Variants in TGFBR3 observed in about 807,000 individuals in gnomAD.
The protein encoded by TGFBR3 is transforming growth factor beta receptor 3.
A neutral mutation model predicts 87.9 loss-of-function variants in TGFBR3; 46 were observed. That is an observed-to-expected ratio of 0.52 (90% CI 0.41 to 0.67). The LOEUF is 0.67. Ranked by LOEUF, TGFBR3 falls within the 30% of genes least tolerant of loss-of-function variation. The pLI, the probability that TGFBR3 is intolerant of heterozygous loss-of-function variation, is 0.00. For synonymous variants in TGFBR3, 381 were observed against 391.6 expected (o/e 0.97, Z 0.32); for missense variants, 866 against 1,041.9 (o/e 0.83, Z 2.32).
intron 2 of TGFBR3, among the ~76,000 whole-genome samples, chr1:91,842,667 A>G (rs1366240323): frequency 6.6e-6 from 1 of 152,130 alleles, no homozygotes; most frequent in Admixed American, 6.5e-5. Flanking sequence ...TGCCCATAAT[A>G]AGGTTGTTCT....
At chr1:91,712,725 C>T (rs1227433304) in intron 12 of TGFBR3, among the ~76,000 whole-genome samples, 183 bp from the exon 13 acceptor site, 4 of 152,168 alleles carry the variant, frequency 2.6e-5, no homozygotes, top group Non-Finnish European at 4.4e-5. Flanking sequence ...AGATATTTTC[C>T]ACTTCAATTT....
chr1:91,836,262 A>C (rs1026946822), intron 2 of TGFBR3, among the ~76,000 whole-genome samples: 1 of 152,108 alleles, frequency 6.6e-6, no homozygotes, highest in African/African-American at 2.4e-5. Flanking sequence ...AAAATAAACA[A>C]ATAAATAAAT....
upstream of TGFBR3, among the ~76,000 whole-genome samples, chr1:91,887,236 C>CTTTTTTTTTTTTTTTTTTTT (rs71087977): frequency 6.0e-4 from 25 of 41,414 alleles, 9 homozygotes; most frequent in Admixed American, 1.3e-3. Flanking sequence ...GGACCTATGC[C>CTTTTTTTTTTTTTTTTTTTT]TTTTTTTTTT....
At chr1:91,796,426 T>C (rs923691013) in intron 3 of TGFBR3, among the ~76,000 whole-genome samples, 1 of 152,224 alleles carries the variant, frequency 6.6e-6, no homozygotes, top group African/African-American at 2.4e-5. Flanking sequence ...TGAGTAACTA[T>C]GAGCATATAT....
chr1:91,801,316 G>T (rs1675622067), intron 2 of TGFBR3, among the ~76,000 whole-genome samples: 1 of 152,110 alleles, frequency 6.6e-6, no homozygotes, highest in Non-Finnish European at 1.5e-5. Flanking sequence ...CAGGAGGCAG[G>T]GTCCTGAAGT....
intron 12 of TGFBR3, among the ~76,000 whole-genome samples, chr1:91,713,288 C>G (rs572774554): frequency 6.6e-6 from 1 of 152,288 alleles, no homozygotes; most frequent in South Asian, 2.1e-4. Context: ...CTTGTATGGG[C>G]TACGTCCAAA....
chr1:91,809,026 A>G (rs1243672942), intron 2 of TGFBR3, among the ~76,000 whole-genome samples: 2 of 152,268 alleles, frequency 1.3e-5, no homozygotes, highest in Non-Finnish European at 1.5e-5. Flanking sequence ...CTTCTTTATT[A>G]AAATGCAAAT....
At position 91,885,946 on chromosome 1, in the gene TGFBR3, C is replaced by T. The variant is rs1679283588; in HGVS notation, c.-182G>A. 6.7e-6 allele frequency: 3 copies of T among 449,554 alleles called. No homozygotes were observed. In the Admixed American group the frequency reaches 7.1e-5, roughly 11 times the overall value. The allele number at this position is 449,554 out of a possible 1,614,324, so 27.8% of individuals were successfully genotyped here. A position where few individuals can be genotyped will look rare whatever the true frequency, so the allele number is the denominator to read the frequency against. On this transcript the variant is annotated 5_prime_UTR_variant, in exon 1 of 17. Coordinates refer to ENST00000212355, the MANE Select transcript of TGFBR3 (RefSeq NM_003243.5). ...GGAGGAAAGCGGCGGCAAGTTTCCC[C>T]GCCCAGCGCTCGGCGGCGGCGAGCT...
At chr1:91,718,208 T>G (rs1672243174) in intron 10 of TGFBR3, among the ~76,000 whole-genome samples, 1 of 152,224 alleles carries the variant, frequency 6.6e-6, no homozygotes, top group African/African-American at 2.4e-5. Flanking sequence ...CAAGTCTTTT[T>G]AACTTCTTGG....
intron 3 of TGFBR3, among the ~76,000 whole-genome samples, chr1:91,779,863 G>C (rs1674700406): frequency 6.6e-6 from 1 of 152,152 alleles, no homozygotes; most frequent in Non-Finnish European, 1.5e-5. Context: ...AATCAGCATT[G>C]CTAGGCCAAA....
At chr1:91,779,491 G>A (rs933208138) in intron 3 of TGFBR3, among the ~76,000 whole-genome samples, 6 of 152,236 alleles carry the variant, frequency 3.9e-5, no homozygotes, top group Non-Finnish European at 5.9e-5. Context: ...ATGGGCCAGA[G>A]GCCCACTGCC....
intron 3 of TGFBR3, among the ~76,000 whole-genome samples, chr1:91,790,178 T>C (rs1428569636): frequency 6.6e-6 from 1 of 152,178 alleles, no homozygotes; most frequent in African/African-American, 2.4e-5. Flanking sequence ...TATACAACGG[T>C]GGTCTCATAA....
chr1:91,685,013 A>G (rs941985318), intron 16 of TGFBR3, among the ~76,000 whole-genome samples: 6 of 152,202 alleles, frequency 3.9e-5, no homozygotes, highest in African/African-American at 1.4e-4. Flanking sequence ...CCTGCCCTCC[A>G]GTGCAGGAAC....
intron 3 of TGFBR3, 75 bp downstream of exon 3, chr1:91,797,212 G>A: frequency 6.6e-7 from 1 of 1,517,106 alleles, no homozygotes; most frequent in South Asian, 1.1e-5. Context: ...CAGAAGAGAA[G>A]AAAAGGACTT....
chr1:91,883,611 A>G (rs1242204143), intron 1 of TGFBR3, among the ~76,000 whole-genome samples: 1 of 152,060 alleles, frequency 6.6e-6, no homozygotes, highest in Non-Finnish European at 1.5e-5. Flanking sequence ...ATAACAATGA[A>G]CTCCCCACGG....
chr1:91,825,974 ATCTC>A (rs1676618855), intron 2 of TGFBR3, among the ~76,000 whole-genome samples: 3 of 150,934 alleles, frequency 2.0e-5, no homozygotes. Flanking sequence ...GTGAGACCCC[ATCTC>A]AAAAAAAAAA....
intron 16 of TGFBR3, among the ~76,000 whole-genome samples, chr1:91,690,529 G>C (rs577482360): frequency 7.2e-4 from 110 of 152,158 alleles, no homozygotes; most frequent in Non-Finnish European, 1.3e-3. Context: ...CAAGAAAGTA[G>C]GGTTCCAGTC....
intron 2 of TGFBR3, among the ~76,000 whole-genome samples, chr1:91,833,120 C>T (rs1370773385): frequency 6.6e-6 from 1 of 151,028 alleles, no homozygotes; most frequent in Non-Finnish European, 1.5e-5. Flanking sequence ...CATAGCGAAA[C>T]CCCGTCTCTA....
chr1:91,851,635 C>G (rs1677740880), intron 2 of TGFBR3, among the ~76,000 whole-genome samples: 1 of 152,210 alleles, frequency 6.6e-6, no homozygotes, highest in Non-Finnish European at 1.5e-5. Context: ...ATATACACAA[C>G]CGTGTGCAAG....
Sources: allele counts gnomAD v4.1 joint callset (sites outside exome capture counted in the v4.1 genomes callset), GRCh38; gene constraint gnomAD v4.1.1; transcripts MANE v1.5; gene names NCBI Gene and HGNC (gene_info 2026-07-23, HGNC 2026-07-21).